The following DLG2 variants were observed in gnomAD, a reference collection of about 807,000 sequenced individuals.
DLG2 encodes the protein discs large MAGUK scaffold protein 2.
DLG2 carries 45 observed loss-of-function variants against 132.5 expected under a neutral mutation model. The observed-to-expected ratio is 0.34, with a 90% confidence interval of 0.27 to 0.44. DLG2 has a LOEUF of 0.44. Ranked by LOEUF, DLG2 falls within the 20% of genes least tolerant of loss-of-function variation. The pLI, the probability that DLG2 is intolerant of heterozygous loss-of-function variation, is 1.00. For missense variants in DLG2, 1,045 were observed against 1,196.9 expected (o/e 0.87, Z 1.87); for synonymous variants, 424 against 419.6 (o/e 1.01, Z -0.13).
At chr11:84,471,908 C>G (rs1161503536) in intron 7 of DLG2, among the ~76,000 whole-genome samples, 1 of 151,510 alleles carries the variant, frequency 6.6e-6, no homozygotes, top group Non-Finnish European at 1.5e-5. Flanking sequence ...TTTTCTTATA[C>G]AGTTCAGCCA....
intron 6 of DLG2, among the ~76,000 whole-genome samples, chr11:84,574,174 C>G (rs2099492969): frequency 6.6e-6 from 1 of 152,094 alleles, no homozygotes; most frequent in Non-Finnish European, 1.5e-5. Flanking sequence ...GACAGAGACA[C>G]AAACTGGGAT....
chr11:84,609,063 A>G (rs1203825646), intron 6 of DLG2, among the ~76,000 whole-genome samples: 1 of 152,162 alleles, frequency 6.6e-6, no homozygotes, highest in Non-Finnish European at 1.5e-5. Flanking sequence ...ATGCTACGTG[A>G]TGTTACTACA....
intron 15 of DLG2, among the ~76,000 whole-genome samples, chr11:83,911,285 C>G (rs1189614767): frequency 6.6e-6 from 1 of 152,070 alleles, no homozygotes; most frequent in Non-Finnish European, 1.5e-5. Flanking sequence ...TAATGACAAT[C>G]TAAGGCAAAG....
At chr11:84,470,544 T>C (rs749080640) in intron 7 of DLG2, among the ~76,000 whole-genome samples, 41 of 151,710 alleles carry the variant, frequency 2.7e-4, no homozygotes, top group Non-Finnish European at 3.7e-4. Context: ...TCAATAAATA[T>C]ATATTTGAGG....
intron 8 of DLG2, among the ~76,000 whole-genome samples, chr11:84,183,465 C>T (rs2096196313): frequency 6.6e-6 from 1 of 152,084 alleles, no homozygotes; most frequent in African/African-American, 2.4e-5. Flanking sequence ...GAACCTAAAA[C>T]TGCTCTTAAA....
At chr11:83,652,370 G>T (rs2070816560) in intron 18 of DLG2, among the ~76,000 whole-genome samples, 1 of 152,060 alleles carries the variant, frequency 6.6e-6, no homozygotes, top group South Asian at 2.1e-4. Flanking sequence ...GCAGAGGTGT[G>T]GTTTGTTTTT....
chr11:84,462,893 C>A (rs1276156806), intron 7 of DLG2, among the ~76,000 whole-genome samples: 4 of 151,160 alleles, frequency 2.6e-5, no homozygotes, highest in Non-Finnish European at 5.9e-5. Context: ...ACACACTGAT[C>A]TTTTTGCAAT....
intron 6 of DLG2, among the ~76,000 whole-genome samples, chr11:84,736,474 G>C (rs1019490144): frequency 2.0e-5 from 3 of 151,872 alleles, no homozygotes; most frequent in Admixed American, 2.0e-4. Context: ...GATAAGGTTA[G>C]AGAGAATGAA....
At chr11:85,187,859 C>A (rs1268454113) in intron 4 of DLG2, among the ~76,000 whole-genome samples, 2 of 152,072 alleles carry the variant, frequency 1.3e-5, no homozygotes, top group African/African-American at 4.8e-5. Flanking sequence ...AACAGTGGCT[C>A]CAGTGACCTT....
intron 9 of DLG2, among the ~76,000 whole-genome samples, chr11:84,130,955 G>C (rs910740245): frequency 6.6e-6 from 1 of 151,396 alleles, no homozygotes; most frequent in African/African-American, 2.4e-5. Context: ...CAAAACATAG[G>C]GTTAAGATGA....
At chr11:84,071,364 C>T (rs1407340816) in intron 10 of DLG2, among the ~76,000 whole-genome samples, 1 of 152,030 alleles carries the variant, frequency 6.6e-6, no homozygotes, top group Non-Finnish European at 1.5e-5. Context: ...CTCAGCCTCC[C>T]AAAGTGCTGG....
chr11:83,641,527 G>T (rs1307869443), intron 18 of DLG2, among the ~76,000 whole-genome samples: 1 of 152,094 alleles, frequency 6.6e-6, no homozygotes, highest in East Asian at 1.9e-4. Flanking sequence ...ATTACTTTAG[G>T]CTTTAGAGGT....
intron 15 of DLG2, among the ~76,000 whole-genome samples, chr11:83,901,809 G>C (rs2073516515): frequency 6.6e-6 from 1 of 152,148 alleles, no homozygotes; most frequent in African/African-American, 2.4e-5. Context: ...CCACTGAATA[G>C]CTTGGTTACC....
At chr11:84,172,749 G>A (rs936246804) in intron 8 of DLG2, among the ~76,000 whole-genome samples, 57 of 151,960 alleles carry the variant, frequency 3.8e-4, no homozygotes, top group African/African-American at 1.4e-3. Flanking sequence ...TGCCATGTTG[G>A]CCAGGCTGGT....
chr11:84,868,258 A>G (rs1326234900), intron 6 of DLG2, among the ~76,000 whole-genome samples: 2 of 151,446 alleles, frequency 1.3e-5, no homozygotes, highest in African/African-American at 4.8e-5. Context: ...AGAGTATCCA[A>G]TAAGGCTATC....
intron 18 of DLG2, among the ~76,000 whole-genome samples, chr11:83,690,899 C>A (rs533506730): frequency 1.8e-4 from 27 of 152,260 alleles, no homozygotes; most frequent in African/African-American, 6.5e-4. Context: ...CAGCTACATC[C>A]ATTTATGTAT....
chr11:83,598,277 TATC>T (rs2057963705), intron 19 of DLG2, among the ~76,000 whole-genome samples: 1 of 152,244 alleles, frequency 6.6e-6, no homozygotes, highest in Non-Finnish European at 1.5e-5. Context: ...TCAGAGAAGT[TATC>T]ATCGTCTACT....
intron 6 of DLG2, among the ~76,000 whole-genome samples, chr11:84,666,813 G>T (rs17147479): frequency 0.17 from 26,241 of 151,826 alleles, 2,674 homozygotes; most frequent in African/African-American, 0.28. Context: ...GCTTAGAAAG[G>T]TTTACCTAAG....
intron 6 of DLG2, among the ~76,000 whole-genome samples, chr11:84,902,266 T>G (rs997449481): frequency 6.6e-6 from 1 of 152,114 alleles, no homozygotes; most frequent in Admixed American, 6.6e-5. Context: ...CCTGCAAAAC[T>G]AAGAACTCTG....
Sources: allele counts gnomAD v4.1 joint callset (sites outside exome capture counted in the v4.1 genomes callset), GRCh38; gene constraint gnomAD v4.1.1; transcripts MANE v1.5; gene names NCBI Gene and HGNC (gene_info 2026-07-23, HGNC 2026-07-21).